Variants in NHEJ1 observed in about 807,000 individuals in gnomAD.
The protein encoded by NHEJ1 is non-homologous end joining factor 1.
In NHEJ1, 22 loss-of-function variants were observed where a neutral mutation model predicts 39.4. The ratio of observed to expected loss-of-function variants is 0.56; its 90% CI spans 0.40 to 0.80. NHEJ1 has a LOEUF of 0.80. NHEJ1 is among the 30% of genes least tolerant of loss of function. NHEJ1 has a pLI of 0.00. For missense variants in NHEJ1, 329 were observed against 357.1 expected (o/e 0.92, Z 0.63); for synonymous variants, 154 against 135.6 (o/e 1.14, Z -0.94).
At chr2:219,148,662 TA>T (rs1401500368) in intron 3 of NHEJ1, among the ~76,000 whole-genome samples, 1 of 152,090 alleles carries the variant, frequency 6.6e-6, no homozygotes. Flanking sequence ...AGCTAAAGTG[TA>T]ACAGAAGACA....
At chr2:219,077,422 A>G (rs2106319615) in intron 6 of NHEJ1, 58 bp from the exon 7 acceptor site, 1 of 1,291,974 alleles carries the variant, frequency 7.7e-7, no homozygotes, top group Middle Eastern at 2.1e-4. Context: ...TACCAGGAAG[A>G]TATTAGCATT....
At chr2:219,087,069 CCTT>C (rs545214501) in intron 5 of NHEJ1, among the ~76,000 whole-genome samples, 252 of 152,268 alleles carry the variant, frequency 1.7e-3, no homozygotes, top group Middle Eastern at 6.8e-3. Context: ...AACTCTCATT[CCTT>C]CTTTTCTCTA....
chr2:219,078,289 C>CA, intron 5 of NHEJ1, 83 bp from the exon 6 acceptor site: 1 of 1,168,792 alleles, frequency 8.6e-7, no homozygotes, highest in Admixed American at 1.7e-5. Context: ...GAACCGGCAT[C>CA]AACCCCAAAT....
chr2:219,082,166 A>G (rs1949073208), intron 5 of NHEJ1, among the ~76,000 whole-genome samples: 1 of 152,174 alleles, frequency 6.6e-6, no homozygotes, highest in South Asian at 2.1e-4. Context: ...ACTTACTCAT[A>G]GTAGTGTGAT....
At position 219,147,729 on chromosome 2, in the gene NHEJ1, G is replaced by A. The variant is rs754126015; in HGVS notation, c.457C>T (p.Leu153=). Residue 153 remains leucine (L), a synonymous_variant, in exon 4 of 8, where the codon CTA becomes TTA. Transcript: ENST00000356853. ...SLALQCQVRE[L]ATLLHMKDLE... ...TCTTTCATATGAAGTAACGTTGCTA[G>A]CTCCCTCACTTGGCACTGTAATGCC... is the stretch of plus-strand genomic sequence containing the variant. 9 of 1,614,042 alleles carry A rather than the reference G, an allele frequency of 5.6e-6. No individual in the cohort carries two copies. The highest frequency in any genetic ancestry group is 6.8e-6 in the Non-Finnish European group (8 of 1,180,020).
chr2:219,103,267 AACTTTTTT>A (rs1431381300), intron 5 of NHEJ1, among the ~76,000 whole-genome samples: 1 of 150,562 alleles, frequency 6.6e-6, no homozygotes, highest in Non-Finnish European at 1.5e-5. Context: ...ATTTATTTTT[AACTTTTTT>A]ATTTTTTCTT....
In NHEJ1 at chr2:219,146,958, C is replaced by T. The variant is rs568713000; in HGVS notation, c.530-220G>A. ...ATGGCAGGTTTGGTGGCAGCATCTG[C>T]TCTAGGAGTTTTTCCTGCCACAAAA... On this transcript the variant is annotated intron_variant, in intron 4 of 7. Transcript: ENST00000356853. Among the ~76,000 whole-genome samples the T allele has an allele frequency of 2.0e-5, 3 of 152,254 alleles. No individual in the cohort carries two copies. The South Asian group carries it at 6.2e-4, about 32-fold the overall frequency.
intron 3 of NHEJ1, among the ~76,000 whole-genome samples, chr2:219,148,068 G>T (rs146246338): frequency 6.6e-6 from 1 of 152,190 alleles, no homozygotes; most frequent in Non-Finnish European, 1.5e-5. Flanking sequence ...ACACAAGCAC[G>T]GCCAACATGG....
In NHEJ1 at chr2:219,084,007, C is replaced by CTT. The variant is rs558515060; in HGVS notation, c.589-5803_589-5802dup. Among the ~76,000 whole-genome samples the CTT allele has an allele frequency of 6.6e-3, 883 of 133,284 alleles. 8 individuals are homozygous for CTT. Among genetic ancestry groups the CTT allele is most frequent in the African/African-American group, 0.019 (665 of 35,896 alleles). 87.4% of individuals were successfully genotyped at this position (133,284 alleles called of 152,430 possible). A position where few individuals can be genotyped will look rare whatever the true frequency, so the allele number is the denominator to read the frequency against. On this transcript the variant is annotated intron_variant, in intron 5 of 7. Transcript: ENST00000356853. ...CAACTCAGGATATTTTCTTTCTTTGCTTTTTTTTTTTTTTTTTGAGATTAA... is the reference window on the plus strand; with the variant it reads ...CAACTCAGGATATTTTCTTTCTTTGCTTTTTTTTTTTTTTTTTTTGAGATTAA...
intron 3 of NHEJ1, 26 bp from the exon 4 acceptor site, chr2:219,147,821 C>A (rs1431006916): frequency 6.2e-7 from 1 of 1,612,830 alleles, no homozygotes; most frequent in African/African-American, 1.3e-5. Context: ...TATCAATTAG[C>A]CAAAAGACTC....
At position 219,154,022 on chromosome 2, in the gene NHEJ1, T is replaced by A. The variant is rs569099085; in HGVS notation, c.390+3450A>T. On this transcript the variant is annotated intron_variant, in intron 3 of 7. Transcript: ENST00000356853. Reference sequence around the variant, plus strand: ...AGTAAATACAAGGATAGTAACTGTATACAACAACAAAAGACTTAGGTGTCT... The same window carrying A: ...AGTAAATACAAGGATAGTAACTGTAAACAACAACAAAAGACTTAGGTGTCT... Among the ~76,000 whole-genome samples the A allele has an allele frequency of 2.0e-5, 3 of 152,330 alleles. No homozygotes were observed. The South Asian group carries it at 6.2e-4, about 32-fold the overall frequency.
At chr2:219,149,368 C>A (rs1239527205) in intron 3 of NHEJ1, among the ~76,000 whole-genome samples, 1 of 152,084 alleles carries the variant, frequency 6.6e-6, no homozygotes, top group African/African-American at 2.4e-5. Context: ...GTAATCCCAG[C>A]ATTTTGGGAG....
At chr2:219,158,570 G>A (rs62191802) in intron 1 of NHEJ1, among the ~76,000 whole-genome samples, 3 of 151,922 alleles carry the variant, frequency 2.0e-5, no homozygotes, top group Non-Finnish European at 4.4e-5. Context: ...AAAATCTTGA[G>A]GGTTTTTTTT....
intron 5 of NHEJ1, among the ~76,000 whole-genome samples, chr2:219,084,837 CCT>C (rs1488372612): frequency 3.3e-5 from 5 of 152,178 alleles, no homozygotes; most frequent in African/African-American, 1.2e-4. Context: ...TTCTCTCCAC[CCT>C]CTTTTTTGGG....
chr2:219,153,706 G>C (rs142513155), intron 3 of NHEJ1, among the ~76,000 whole-genome samples: 7,063 of 51,928 alleles, frequency 0.14, 1,107 homozygotes, highest in Non-Finnish European at 0.29. Context: ...GGGGGGGGTG[G>C]AGAGAGAGAG....
At chr2:219,114,344 C>G (rs2097348030) in intron 5 of NHEJ1, among the ~76,000 whole-genome samples, 1 of 152,198 alleles carries the variant, frequency 6.6e-6, no homozygotes, top group Admixed American at 6.5e-5. Context: ...TTTCAGTGAT[C>G]TCATAATCTC....
At position 219,138,480 on chromosome 2, in the gene NHEJ1, G is replaced by C. The variant is rs991732643; in HGVS notation, c.588+8200C>G. ...ATTATTTGCTGGCCTATTCATAAGAGGAGGAAAATAAAAAAGAGTGGGAAG... is the reference window on the plus strand; with the variant it reads ...ATTATTTGCTGGCCTATTCATAAGACGAGGAAAATAAAAAAGAGTGGGAAG... On this transcript the variant is annotated intron_variant, in intron 5 of 7. Coordinates refer to ENST00000356853, the MANE Select transcript of NHEJ1 (RefSeq NM_024782.3). 2.6e-5 allele frequency among the ~76,000 whole-genome samples: 4 copies of C among 152,114 alleles called. No homozygotes were observed. The South Asian group carries it at 6.2e-4, about 24-fold the overall frequency.
chr2:219,140,946 TA>T (rs896483280), intron 5 of NHEJ1, among the ~76,000 whole-genome samples: 5 of 152,320 alleles, frequency 3.3e-5, no homozygotes, highest in Non-Finnish European at 7.3e-5. Context: ...CGGGAGCCAC[TA>T]AAGGACTCTG....
intron 5 of NHEJ1, among the ~76,000 whole-genome samples, chr2:219,118,982 T>C (rs1029565267): frequency 1.3e-5 from 2 of 152,198 alleles, no homozygotes; most frequent in African/African-American, 4.8e-5. Flanking sequence ...CCATCTGCTT[T>C]GGTGTCCCAC....
Sources: allele counts gnomAD v4.1 joint callset (sites outside exome capture counted in the v4.1 genomes callset), GRCh38; gene constraint gnomAD v4.1.1; transcripts MANE v1.5; gene names NCBI Gene and HGNC (gene_info 2026-07-23, HGNC 2026-07-21).